ARHGAP26: variants seen among roughly 807,000 people sequenced by gnomAD.
ARHGAP26 encodes Rho GTPase activating protein 26, also known as rho GTPase-activating protein 26.
Under a neutral mutation model 104.8 loss-of-function variants are expected in ARHGAP26, and 38 were observed. The observed-to-expected ratio is 0.36, with a 90% confidence interval of 0.28 to 0.48. The LOEUF is 0.48. ARHGAP26 is among the 20% of genes least tolerant of loss of function. ARHGAP26 has a pLI of 0.99. For synonymous variants in ARHGAP26, 341 were observed against 340.0 expected (o/e 1.00, Z -0.03); for missense variants, 704 against 947.9 (o/e 0.74, Z 3.38).
intron 20 of ARHGAP26, among the ~76,000 whole-genome samples, chr5:143,181,358 G>T (rs1804332854): frequency 6.6e-6 from 1 of 152,168 alleles, no homozygotes; most frequent in African/African-American, 2.4e-5. Flanking sequence ...CTGCAACCTT[G>T]CCCTGTTTCC....
At chr5:143,116,061 T>A (rs1297125170) in intron 17 of ARHGAP26, among the ~76,000 whole-genome samples, 1 of 152,148 alleles carries the variant, frequency 6.6e-6, no homozygotes, top group Non-Finnish European at 1.5e-5. Context: ...TCCTGAAAAC[T>A]TTTGTTTCTG....
At chr5:142,798,280 C>T (rs1761384830) in intron 1 of ARHGAP26, among the ~76,000 whole-genome samples, 2 of 152,148 alleles carry the variant, frequency 1.3e-5, no homozygotes, top group Admixed American at 6.5e-5. Flanking sequence ...TTTTCTGCTC[C>T]CTTTGATGCT....
At chr5:143,134,849 G>T (rs141957043) in intron 19 of ARHGAP26, among the ~76,000 whole-genome samples, 89 of 152,382 alleles carry the variant, frequency 5.8e-4, no homozygotes, top group African/African-American at 2.0e-3. Context: ...CGAATTAAAT[G>T]AAATTATGCA....
intron 1 of ARHGAP26, among the ~76,000 whole-genome samples, chr5:142,847,398 C>G (rs1772210663): frequency 6.6e-6 from 1 of 151,568 alleles, no homozygotes; most frequent in South Asian, 2.1e-4. Context: ...GCTCTTGTTG[C>G]CCGGGCTGGA....
chr5:143,142,112 A>C (rs80184688), intron 19 of ARHGAP26, among the ~76,000 whole-genome samples: 2,361 of 150,878 alleles, frequency 0.016, 71 homozygotes, highest in African/African-American at 0.055. Flanking sequence ...TGATCAAAAC[A>C]ACAGATTGAC....
intron 17 of ARHGAP26, among the ~76,000 whole-genome samples, chr5:143,067,472 C>T (rs1787667916): frequency 6.6e-6 from 1 of 152,144 alleles, no homozygotes; most frequent in East Asian, 1.9e-4. Context: ...TATTTTTTCA[C>T]TTTTGCAGTT....
rs200948212 is a variant in ARHGAP26, at chr5:143,041,931, G to T, written c.1285+41G>T. 26 of 1,536,634 alleles carry T rather than the reference G, an allele frequency of 1.7e-5. No individual in the cohort carries two copies. In the Admixed American group the frequency reaches 1.9e-4, roughly 11 times the overall value. On this transcript the variant is annotated intron_variant, in intron 14 of 22. Coordinates refer to ENST00000645722, the MANE Select transcript of ARHGAP26 (RefSeq NM_001135608.3). ...GCTCTGCTAGGCAGGTCCCTGGATG[G>T]GGGGCCCACTCTGAAAAGTCACCAG...
At chr5:143,103,232 A>G in intron 17 of ARHGAP26, 2 of 985,246 alleles carry the variant, frequency 2.0e-6, no homozygotes, top group Non-Finnish European at 2.4e-6. Context: ...ATCAGTAGAC[A>G]TGGGAAAAAG....
chr5:143,193,551 T>C (rs1806296450), intron 20 of ARHGAP26, among the ~76,000 whole-genome samples: 1 of 152,116 alleles, frequency 6.6e-6, no homozygotes, highest in African/African-American at 2.4e-5. Flanking sequence ...TGCCCCGGCC[T>C]ACAGTGCTTA....
chr5:142,796,924 A>G (rs553636276), intron 1 of ARHGAP26, among the ~76,000 whole-genome samples: 95 of 152,324 alleles, frequency 6.2e-4, no homozygotes, highest in Admixed American at 1.1e-3. Flanking sequence ...GGGATTGCCA[A>G]TGGGGTTCCG....
chr5:143,088,968 TAGGGTGGAGTAGGTAATCGGAATGAGTC>T (rs1791015407), intron 17 of ARHGAP26, among the ~76,000 whole-genome samples: 1 of 151,910 alleles, frequency 6.6e-6, no homozygotes, highest in Admixed American at 6.6e-5. Flanking sequence ...TGGAATGAGT[TAGGGTGGAGTAGGTAATCGGAATGAGTC>T]AGGGTGGAGC....
At chr5:143,036,222 A>C (rs1339910183) in intron 12 of ARHGAP26, among the ~76,000 whole-genome samples, 1 of 152,164 alleles carries the variant, frequency 6.6e-6, no homozygotes, top group Non-Finnish European at 1.5e-5. Context: ...TCTGACCATT[A>C]AGTGGTAGAA....
intron 11 of ARHGAP26, among the ~76,000 whole-genome samples, chr5:143,011,250 C>T (rs975337592): frequency 1.3e-5 from 2 of 150,960 alleles, no homozygotes; most frequent in African/African-American, 4.9e-5. Context: ...CTGGCGCAAA[C>T]GTCATCTCTT....
intron 11 of ARHGAP26, among the ~76,000 whole-genome samples, chr5:142,978,572 A>G (rs961210846): frequency 2.3e-4 from 35 of 152,194 alleles, no homozygotes; most frequent in African/African-American, 8.4e-4. Context: ...TTTATGCCCC[A>G]GATTCTTACC....
At chr5:143,067,669 C>G (rs1429778661) in intron 17 of ARHGAP26, among the ~76,000 whole-genome samples, 1 of 152,144 alleles carries the variant, frequency 6.6e-6, no homozygotes, top group Non-Finnish European at 1.5e-5. Flanking sequence ...TAAAGGAACA[C>G]AAAATGTTGG....
chr5:143,189,556 A>G lies in ARHGAP26; in HGVS notation c.1989-17642A>G, dbSNP rs560723573. 2.0e-5 allele frequency among the ~76,000 whole-genome samples: 3 copies of G among 152,070 alleles called. No individual in the cohort carries two copies. The East Asian group carries it at 5.8e-4, about 29-fold the overall frequency. ...TTTTCTGCTTTACACACTCATAAGT[A>G]GTATTTCCTAAATTTTTTCCATTAG... On this transcript the variant is annotated intron_variant, in intron 20 of 22. Transcript: ENST00000645722.
intron 19 of ARHGAP26, among the ~76,000 whole-genome samples, chr5:143,138,286 A>G (rs1798126678): frequency 6.6e-6 from 1 of 152,208 alleles, no homozygotes; most frequent in African/African-American, 2.4e-5. Flanking sequence ...GTCGCTCCTC[A>G]TATCATAGGC....
chr5:143,208,338 C>T (rs1246224242), intron 21 of ARHGAP26, among the ~76,000 whole-genome samples: 1 of 152,180 alleles, frequency 6.6e-6, no homozygotes, highest in East Asian at 1.9e-4. Flanking sequence ...GCATCAGAAG[C>T]GTTTTGGGCT....
chr5:143,011,251 G>A (rs922534123), intron 11 of ARHGAP26, among the ~76,000 whole-genome samples: 2 of 148,428 alleles, frequency 1.3e-5, no homozygotes, highest in Admixed American at 6.7e-5. Flanking sequence ...TGGCGCAAAC[G>A]TCATCTCTTC....
Sources: gnomAD v4.1 joint callset for allele counts (sites outside exome capture counted in the v4.1 genomes callset) on GRCh38, gnomAD v4.1.1 for gene constraint, MANE v1.5 for transcripts, NCBI Gene and HGNC (gene_info 2026-07-23, HGNC 2026-07-21) for gene names.